The following AIFM1 variants were observed in gnomAD, a reference collection of about 807,000 sequenced individuals.
AIFM1 encodes the protein apoptosis inducing factor mitochondria associated 1.
A neutral mutation model predicts 51.7 loss-of-function variants in AIFM1; 3 were observed. The observed-to-expected ratio is 0.06, with a 90% CI of 0.03 to 0.15. The LOEUF is 0.15. AIFM1 is among the 10% of genes least tolerant of loss of function. The pLI is 1.00. For synonymous variants in AIFM1, 178 were observed against 179.4 expected (o/e 0.99, Z 0.06); for missense variants, 330 against 476.8 (o/e 0.69, Z 2.87).
At chrX:130,137,281 C>T (rs2030386070) in intron 9 of AIFM1, 96 bp from the exon 10 acceptor site, 4 of 1,197,750 alleles carry the variant, frequency 3.3e-6, no homozygotes, top group Non-Finnish European at 4.5e-6. Flanking sequence ...GCCCTCACTA[C>T]AGACAGGGCA....
Position 130,137,182 on chromosome X carries a change from C to T in AIFM1, c.971G>A (p.Arg324Gln), listed in dbSNP as rs757644205. 9.1e-6 allele frequency: 11 copies of T among 1,208,622 alleles called. No individual in the cohort carries two copies. The Admixed American group carries it at 1.1e-4, about 12-fold the overall frequency. ...TTGAATCACTTCTGTGCCCAAGGCTCGAGCTGGGAAGAAGAAACAGAGTAG... is the reference window on the plus strand; with the variant it reads ...TTGAATCACTTCTGTGCCCAAGGCTTGAGCTGGGAAGAAGAAACAGAGTAG... The part of the protein sequence containing the change: ...ELACALGRKA[R>Q]ALGTEVIQLF... Residue 324 changes from arginine to glutamine, a missense_variant, in exon 10 of 16, where the codon CGA (arginine) becomes CAA (glutamine). Arg to Gln is a conservative substitution (Grantham distance 43). This residue lies in a region of AIFM1 where 152 missense variants were observed against 292.8 expected (regional missense o/e 0.52). Transcript: ENST00000287295.
At position 130,165,789 on chromosome X, in the gene AIFM1, C is replaced by T. The variant is rs112383408; in HGVS notation, c.-133G>A. 1.2e-4 allele frequency: 72 copies of T among 586,811 alleles called. No homozygotes were observed. Among genetic ancestry groups the T allele is most frequent in the African/African-American group, 9.1e-4 (41 of 44,828 alleles). The allele number at this position is 586,811 out of a possible 1,213,427, so 48.4% of individuals were successfully genotyped here. Reference sequence around the variant, plus strand: ...ATTACGCAGACTCCTCCTCCCAGCTCCGGGTGGGCATTGGACAGAGAAGCC... The same window carrying T: ...ATTACGCAGACTCCTCCTCCCAGCTTCGGGTGGGCATTGGACAGAGAAGCC... On this transcript the variant is annotated 5_prime_UTR_variant, in exon 1 of 16. Coordinates refer to ENST00000287295, the MANE Select transcript of AIFM1 (RefSeq NM_004208.4).
chrX:130,146,281 A>T (rs2030744937), intron 5 of AIFM1, among the ~76,000 whole-genome samples: 2 of 109,543 alleles, frequency 1.8e-5, no homozygotes, highest in African/African-American at 3.3e-5. Context: ...CTAGAAAAAA[A>T]TTTTTTTAAT....
At chrX:130,139,707 C>T (rs2030507224) in intron 8 of AIFM1, 88 bp downstream of exon 8, 1 of 907,071 alleles carries the variant, frequency 1.1e-6, no homozygotes, top group African/African-American at 1.9e-5. Flanking sequence ...ACTTGGATCT[C>T]CCAAGTCCCG....
chrX:130,154,646 T>C (rs1340710216), intron 2 of AIFM1, among the ~76,000 whole-genome samples: 1 of 112,068 alleles, frequency 8.9e-6, no homozygotes, highest in Non-Finnish European at 1.9e-5. Context: ...ATGGGGAGAA[T>C]ATTGCAGTTT....
intron 6 of AIFM1, among the ~76,000 whole-genome samples, chrX:130,143,807 A>T (rs2030661603): frequency 9.1e-6 from 1 of 110,173 alleles, no homozygotes; most frequent in Admixed American, 9.7e-5. Flanking sequence ...AGATCATGCC[A>T]CCGTACTCCA....
intron 12 of AIFM1, among the ~76,000 whole-genome samples, chrX:130,133,850 T>C (rs1461113061): frequency 9.2e-6 from 1 of 108,787 alleles, no homozygotes; most frequent in Non-Finnish European, 1.9e-5. Flanking sequence ...CAGGCTGGTT[T>C]TGAACTCCTG....
chrX:130,150,206 C>T (rs2030911812), intron 2 of AIFM1, among the ~76,000 whole-genome samples: 2 of 111,350 alleles, frequency 1.8e-5, no homozygotes, highest in Admixed American at 9.5e-5. Context: ...TTAAACACAC[C>T]TGTTACATTT....
intron 1 of AIFM1, among the ~76,000 whole-genome samples, chrX:130,165,251 G>A: frequency 1.2e-5 from 1 of 81,085 alleles, no homozygotes; most frequent in Non-Finnish European, 2.3e-5. Context: ...AAGGGGGGTG[G>A]GGGGTGGGGA....
intron 1 of AIFM1, among the ~76,000 whole-genome samples, chrX:130,158,156 C>T (rs900654279): frequency 2.9e-4 from 32 of 109,205 alleles, no homozygotes; most frequent in Admixed American, 1.7e-3. Context: ...CCCAGCTACT[C>T]GGGAGGCTGA....
rs1229429781 is a variant in AIFM1, at chrX:130,163,681, C to T, written c.106+1870G>A. The stretch of plus-strand genomic sequence containing the variant: ...ATGCAGTGGAAAAAACCATTTGAGT[C>T]TGTATTTTTCAGTAGTTCTAACAAC... On this transcript the variant is annotated intron_variant, in intron 1 of 15. Coordinates refer to ENST00000287295, the MANE Select transcript of AIFM1 (RefSeq NM_004208.4). Among the ~76,000 whole-genome samples the T allele has an allele frequency of 2.2e-4, 25 of 112,207 alleles. No homozygotes were observed. In the Admixed American group the frequency reaches 2.4e-3, roughly 11 times the overall value.
chrX:130,133,072 A>G (rs2030169274), intron 13 of AIFM1, among the ~76,000 whole-genome samples: 1 of 111,631 alleles, frequency 9.0e-6, no homozygotes, highest in Non-Finnish European at 1.9e-5. Flanking sequence ...GCCAGACAGA[A>G]CACTTAAAAT....
Position 130,165,695 on chromosome X carries a change from C to T in AIFM1, c.-39G>A, listed in dbSNP as rs762349814. On this transcript the variant is annotated 5_prime_UTR_variant, in exon 1 of 16. Coordinates refer to ENST00000287295, the MANE Select transcript of AIFM1 (RefSeq NM_004208.4). ...ATTCGGGACCTCCTCCTTCCCTTTCCTCTCACGCACGACCGACGGGTCAAA... is the reference window on the plus strand; with the variant it reads ...ATTCGGGACCTCCTCCTTCCCTTTCTTCTCACGCACGACCGACGGGTCAAA... The T allele has an allele frequency of 5.5e-6, 6 of 1,092,832 alleles. No individual in the cohort carries two copies. The highest frequency in any genetic ancestry group is 3.6e-5 in the African/African-American group (2 of 55,282). The allele number at this position is 1,092,832 out of a possible 1,213,427, so 90.1% of individuals were successfully genotyped here. A position where few individuals can be genotyped will look rare whatever the true frequency, so the allele number is the denominator to read the frequency against.
At chrX:130,146,186 C>A (rs1057428836) in intron 5 of AIFM1, among the ~76,000 whole-genome samples, 1 of 111,501 alleles carries the variant, frequency 9.0e-6, no homozygotes, top group African/African-American at 3.3e-5. Flanking sequence ...GTCTATAACC[C>A]CAGTGCTTTG....
At chrX:130,152,824 T>C (rs2031030053) in intron 2 of AIFM1, among the ~76,000 whole-genome samples, 1 of 111,823 alleles carries the variant, frequency 8.9e-6, no homozygotes, top group Non-Finnish European at 1.9e-5. Context: ...CAAACTGTGG[T>C]TGCATGCCAT....
intron 8 of AIFM1, among the ~76,000 whole-genome samples, chrX:130,139,258 G>C (rs1251535565): frequency 9.1e-6 from 1 of 110,227 alleles, no homozygotes; most frequent in East Asian, 2.8e-4. Context: ...CTTGAACCCG[G>C]GAGGCGGAGG....
chrX:130,129,518 CAG>C lies in AIFM1; in HGVS notation c.*37_*38del, dbSNP rs1463221112. ...CTCCTTTACCCATTCGACCTCCTCT[CAG>C]GGGCTGCAGTGGGTTTGCCAATTCC... On this transcript the variant is annotated 3_prime_UTR_variant, in exon 16 of 16. Coordinates refer to ENST00000287295, the MANE Select transcript of AIFM1 (RefSeq NM_004208.4). The C allele has an allele frequency of 8.6e-7, 1 of 1,157,984 alleles. No homozygotes were observed. The highest frequency in any genetic ancestry group is 1.8e-5 in the South Asian group (1 of 55,774).
intron 1 of AIFM1, among the ~76,000 whole-genome samples, chrX:130,157,827 T>G (rs1036239291): frequency 9.2e-6 from 1 of 108,691 alleles, no homozygotes; most frequent in Non-Finnish European, 1.9e-5. Context: ...TGGTGGGGCA[T>G]GCTTGTAGTC....
At chrX:130,161,695 C>T (rs1002849272) in intron 1 of AIFM1, among the ~76,000 whole-genome samples, 1 of 103,197 alleles carries the variant, frequency 9.7e-6, no homozygotes, top group Non-Finnish European at 2.0e-5. Context: ...GCAACCTCCA[C>T]TTCCCGGGTT....
Sources: allele counts gnomAD v4.1 joint callset (sites outside exome capture counted in the v4.1 genomes callset), GRCh38; gene constraint gnomAD v4.1.1; regional missense constraint gnomAD v4.1.1; transcripts MANE v1.5; gene names NCBI Gene and HGNC (gene_info 2026-07-23, HGNC 2026-07-21).